UGT2B4: variants seen among roughly 807,000 people sequenced by gnomAD.
UGT2B4 encodes UDP-glucuronosyltransferase 2B4.
A neutral mutation model predicts 49.8 loss-of-function variants in UGT2B4; 49 were observed. The observed-to-expected ratio is 0.98, with a 90% CI of 0.78 to 1.25. UGT2B4 has a LOEUF of 1.25. Ranked by LOEUF, UGT2B4 falls within the 50% of genes most tolerant of loss-of-function variation. The pLI is 0.00. For synonymous variants in UGT2B4, 246 were observed against 217.7 expected, an observed-to-expected ratio of 1.13 and a Z score of -1.14; for missense variants, 729 against 627.7, an observed-to-expected ratio of 1.16 and a Z score of -1.73.
intron 1 of UGT2B4, among the ~76,000 whole-genome samples, chr4:69,504,493 A>T (rs1728421996): frequency 6.6e-6 from 1 of 152,184 alleles, no homozygotes; most frequent in Non-Finnish European, 1.5e-5. Context: ...GCAAAGAAAA[A>T]AATCTCAGAG....
chr4:69,493,127 T>G (rs17671289), intron 2 of UGT2B4, among the ~76,000 whole-genome samples: 31,591 of 151,926 alleles, frequency 0.21, 3,874 homozygotes, highest in South Asian at 0.31. Context: ...CTGAACACTT[T>G]ACCTGCTTTT....
chr4:69,503,867 G>A (rs141854551), intron 1 of UGT2B4, among the ~76,000 whole-genome samples: 8 of 152,246 alleles, frequency 5.3e-5, no homozygotes, highest in Non-Finnish European at 7.4e-5. Flanking sequence ...CTGGGCCACC[G>A]CAGCTCAGAA....
At position 69,487,894 on chromosome 4, in the gene UGT2B4, T is replaced by C. The variant is rs992765100; in HGVS notation, c.1003-1198A>G. Among the ~76,000 whole-genome samples, 4 of 152,142 alleles carry C rather than the reference T, an allele frequency of 2.6e-5. No individual in the cohort carries two copies. The East Asian group carries it at 7.7e-4, about 29-fold the overall frequency. Reference sequence around the variant, plus strand: ...TTTTAATGTATTTTATGAGTTTTCATCTACCAAATTTAATATTAATTTATT... The same window carrying C: ...TTTTAATGTATTTTATGAGTTTTCACCTACCAAATTTAATATTAATTTATT... On this transcript the variant is annotated intron_variant, in intron 3 of 5. Coordinates refer to ENST00000305107, the MANE Select transcript of UGT2B4 (RefSeq NM_021139.3).
In UGT2B4 at chr4:69,495,161, T is replaced by G; in HGVS notation, c.701A>C (p.Gln234Pro). ...FQIFDMKKWD[Q>P]FYSEVLGRPT... ...CTTACCTAGAACTTCACTGTAGAAC[T>G]GATCCCACTTCTTCATGTCAAATAT... The change falls in exon 1 of 6, where the codon CAG becomes CCG. Residue 234 changes from glutamine (Q) to proline (P), a missense_variant. Physicochemically the swap from Gln to Pro is moderately conservative, Grantham distance 76 (BLOSUM62 -1). Transcript: ENST00000305107. 1.3e-6 allele frequency: 2 copies of G among 1,566,952 alleles called. No homozygotes were observed. The highest frequency in any genetic ancestry group is 3.4e-4 in the Middle Eastern group (2 of 5,798).
intron 1 of UGT2B4, among the ~76,000 whole-genome samples, chr4:69,505,780 G>T (rs537407657): frequency 5.9e-4 from 90 of 152,200 alleles, no homozygotes; most frequent in African/African-American, 2.1e-3. Flanking sequence ...ATTGCCACAG[G>T]ACACTTTCTC....
intron 2 of UGT2B4, among the ~76,000 whole-genome samples, chr4:69,492,447 C>G (rs1728017670): frequency 6.6e-6 from 1 of 152,024 alleles, no homozygotes; most frequent in Non-Finnish European, 1.5e-5. Context: ...ATCCTTGTCA[C>G]TTGTGGTAGA....
At chr4:69,482,167 C>T (rs1727612501) in intron 5 of UGT2B4, among the ~76,000 whole-genome samples, 1 of 152,164 alleles carries the variant, frequency 6.6e-6, no homozygotes, top group Non-Finnish European at 1.5e-5. Context: ...CAACTCAAGG[C>T]ATGCTTCTAT....
chr4:69,488,486 A>G (rs1281232736), intron 3 of UGT2B4, among the ~76,000 whole-genome samples: 8 of 152,200 alleles, frequency 5.3e-5, no homozygotes, highest in Non-Finnish European at 2.9e-5. Flanking sequence ...AAATATTAGC[A>G]TAGGTCATTA....
At chr4:69,489,608 A>G (rs1478983663) in intron 2 of UGT2B4, 38 bp from the exon 3 acceptor site, 6 of 1,584,648 alleles carry the variant, frequency 3.8e-6, no homozygotes, top group Non-Finnish European at 5.1e-6. Flanking sequence ...ATAATAGATT[A>G]TCAGCACAGC....
intron 1 of UGT2B4, chr4:69,525,610 T>A: frequency 1.1e-6 from 1 of 928,710 alleles, no homozygotes; most frequent in South Asian, 1.8e-5. Flanking sequence ...GGTTAGACAA[T>A]AGATTATCTA....
intron 1 of UGT2B4, among the ~76,000 whole-genome samples, chr4:69,508,510 T>C (rs1295833898): frequency 6.6e-6 from 1 of 152,172 alleles, no homozygotes; most frequent in Non-Finnish European, 1.5e-5. Flanking sequence ...ACTATAGAAT[T>C]CAATGCAGCC....
chr4:69,480,585 C>T lies in UGT2B4; in HGVS notation c.*49G>A, dbSNP rs1727552850. 2 of 1,588,234 alleles carry T rather than the reference C, an allele frequency of 1.3e-6. No homozygotes were observed. The highest frequency in any genetic ancestry group is 4.5e-5 in the East Asian group (2 of 44,668). ...CACAACGTCTTCTTGTTGTAATAAA[C>T]TAAAGGAGTTCATTTATTGGGTTTC... is the stretch of plus-strand genomic sequence containing the variant. On this transcript the variant is annotated 3_prime_UTR_variant, in exon 6 of 6. Coordinates refer to ENST00000305107, the MANE Select transcript of UGT2B4 (RefSeq NM_021139.3).
At chr4:69,493,956 G>A in intron 1 of UGT2B4, 115 bp from the exon 2 acceptor site, 1 of 1,157,642 alleles carries the variant, frequency 8.6e-7, no homozygotes, top group South Asian at 1.7e-5. Flanking sequence ...TTTGTGCCTT[G>A]AAAAAAAATA....
At chr4:69,509,460 A>G (rs1310378592) in intron 1 of UGT2B4, among the ~76,000 whole-genome samples, 1 of 152,150 alleles carries the variant, frequency 6.6e-6, no homozygotes, top group Non-Finnish European at 1.5e-5. Context: ...TACAGTGTAC[A>G]AGAGTTTTGA....
In UGT2B4 at chr4:69,480,665, A is replaced by C. The variant is rs1727555999; in HGVS notation, c.1556T>G (p.Val519Gly). 1 of 1,613,958 alleles carries C rather than the reference A, an allele frequency of 6.2e-7. No individual in the cohort carries two copies. The highest frequency in any genetic ancestry group is 1.3e-5 in the African/African-American group (1 of 74,906). The change falls in exon 6 of 6, where the codon GTT becomes GGT. Residue 519 changes from valine (V) to glycine (G), a missense_variant. Transcript: ENST00000305107. ...TKCLFCVWKF[V>G]RTGKKGKRD ...TCTTTTCCCCTTCTTTCCTGTTCTAACAAACTTCCAGACACAAAACAGACA... is the reference window on the plus strand; with the variant it reads ...TCTTTTCCCCTTCTTTCCTGTTCTACCAAACTTCCAGACACAAAACAGACA...
upstream of UGT2B4, among the ~76,000 whole-genome samples, chr4:69,500,660 AGAAAGAAAGGAAG>A (rs1286253446): frequency 7.4e-3 from 890 of 119,868 alleles, 11 homozygotes; most frequent in Middle Eastern, 0.015. Context: ...AAAGAAAGAA[AGAAAGAAAGGAAG>A]GAAAGAAAAG....
At chr4:69,484,597 G>T (rs1727709398) in intron 5 of UGT2B4, among the ~76,000 whole-genome samples, 1 of 152,100 alleles carries the variant, frequency 6.6e-6, no homozygotes, top group Admixed American at 6.6e-5. Flanking sequence ...CTATAGAGAA[G>T]GAAAGCAAAT....
upstream of UGT2B4, among the ~76,000 whole-genome samples, chr4:69,499,677 T>G (rs1218196342): frequency 6.6e-6 from 1 of 152,204 alleles, no homozygotes; most frequent in Non-Finnish European, 1.5e-5. Flanking sequence ...GAAATTAGGA[T>G]AGCAAGACCT....
At chr4:69,509,705 T>A (rs757265928) in intron 1 of UGT2B4, among the ~76,000 whole-genome samples, 1 of 152,182 alleles carries the variant, frequency 6.6e-6, no homozygotes, top group Admixed American at 6.5e-5. Context: ...AGGGTTTCTT[T>A]TTTTGCTTTT....
Sources: gnomAD v4.1 joint callset for allele counts (sites outside exome capture counted in the v4.1 genomes callset) on GRCh38, gnomAD v4.1.1 for gene constraint, MANE v1.5 for transcripts, NCBI Gene and HGNC (gene_info 2026-07-23, HGNC 2026-07-21) for gene names.